ADNP: variants seen among roughly 807,000 people sequenced by gnomAD.
The protein encoded by ADNP is activity dependent neuroprotector homeobox.
Under a neutral mutation model 84.9 loss-of-function variants are expected in ADNP, and 4 were observed. That is an observed-to-expected ratio of 0.05 (90% CI 0.02 to 0.11). The LOEUF (loss-of-function observed/expected upper bound fraction) is 0.11. Ranked by LOEUF, ADNP falls within the 10% of genes least tolerant of loss-of-function variation. The pLI is 1.00. For synonymous variants in ADNP, 554 were observed against 468.1 expected (o/e 1.18, Z -2.37); for missense variants, 1,132 against 1,326.0 (o/e 0.85, Z 2.27).
At position 50,891,342 on chromosome 20, in the gene ADNP, C is replaced by G; in HGVS notation, c.*63G>C. 6.7e-7 allele frequency: 1 copy of G among 1,493,448 alleles called. No homozygotes were observed. Among genetic ancestry groups the G allele is most frequent in the Non-Finnish European group, 8.9e-7 (1 of 1,128,784 alleles). The allele number at this position is 1,493,448 out of a possible 1,614,324, so 92.5% of individuals were successfully genotyped here. A position where few individuals can be genotyped will look rare whatever the true frequency, so the allele number is the denominator to read the frequency against. Reference sequence around the variant, plus strand: ...CAGTACCAGTGAGAAGACAGCTTTGCAGTCACACTGGATATCAGAGTTCCA... The same window carrying G: ...CAGTACCAGTGAGAAGACAGCTTTGGAGTCACACTGGATATCAGAGTTCCA... On this transcript the variant is annotated 3_prime_UTR_variant, in exon 6 of 6. Transcript: ENST00000621696.
In ADNP at chr20:50,891,107, G is replaced by C. The variant is rs531469619; in HGVS notation, c.*298C>G. ...CATCTGACCAATCATTTCACAGAGG[G>C]AAAGAAATGTTGAAAAGGCAGATAA... On this transcript the variant is annotated 3_prime_UTR_variant, in exon 6 of 6. Coordinates refer to ENST00000621696, the MANE Select transcript of ADNP (RefSeq NM_001282531.3). 1.4e-4 allele frequency: 159 copies of C among 1,170,922 alleles called. No individual in the cohort carries two copies. The highest frequency in any genetic ancestry group is 1.6e-4 in the Non-Finnish European group (152 of 948,654). The allele number at this position is 1,170,922 out of a possible 1,614,324, so 72.5% of individuals were successfully genotyped here.
chr20:50,892,707 A>T lies in ADNP; in HGVS notation c.2007T>A (p.Gly669=). 3 of 1,614,190 alleles carry T rather than the reference A, an allele frequency of 1.9e-6. No individual in the cohort carries two copies. The highest frequency in any genetic ancestry group is 1.7e-6 in the Non-Finnish European group (2 of 1,180,038). The change falls in exon 6 of 6, where the codon GGT becomes GGA. Residue 669 remains glycine (G), a synonymous_variant. Transcript: ENST00000621696. ...AGGCGGTCATGTTGCTGGTATACAC[A>T]CCAAGGCAATGGATACATTTGTAGG... ...KLTYKCIHCL[G]VYTSNMTAST...
At chr20:50,924,789 G>A (rs1459712890) in intron 2 of ADNP, among the ~76,000 whole-genome samples, 1 of 151,790 alleles carries the variant, frequency 6.6e-6, no homozygotes, top group Non-Finnish European at 1.5e-5. Context: ...TACTGAAGAG[G>A]GTATTAGGAT....
chr20:50,920,363 T>C (rs1319919614), intron 2 of ADNP, among the ~76,000 whole-genome samples: 1 of 151,068 alleles, frequency 6.6e-6, no homozygotes, highest in Non-Finnish European at 1.5e-5. Flanking sequence ...GACAGATCAC[T>C]TGAGGTCAGG....
rs1024833478 is a variant in ADNP at position 50,889,167 on chromosome 20, T to A, written c.*2238A>T. The A allele has an allele frequency of 6.6e-6, 1 of 152,176 alleles. No homozygotes were observed. Among genetic ancestry groups the A allele is most frequent in the African/African-American group, 2.4e-5 (1 of 41,446 alleles). 9.4% of individuals were successfully genotyped at this position (152,176 alleles called of 1,614,324 possible). On this transcript the variant is annotated 3_prime_UTR_variant, in exon 6 of 6. Coordinates refer to ENST00000621696, the MANE Select transcript of ADNP (RefSeq NM_001282531.3). ...CTTTTCTGAATGCCAAAAGGCACACTCTCACCACCTTAATGAGGAAACACA... is the reference window on the plus strand; with the variant it reads ...CTTTTCTGAATGCCAAAAGGCACACACTCACCACCTTAATGAGGAAACACA...
intron 3 of ADNP, chr20:50,904,345 G>C (rs1176103186): frequency 1.0e-5 from 2 of 194,534 alleles, no homozygotes; most frequent in African/African-American, 4.7e-5. Flanking sequence ...CTTCTCAAGA[G>C]GAAGGGACTC....
At chr20:50,927,531 A>C (rs1984372258) in intron 2 of ADNP, among the ~76,000 whole-genome samples, 1 of 151,846 alleles carries the variant, frequency 6.6e-6, no homozygotes, top group African/African-American at 2.4e-5. Context: ...ACCTACTATA[A>C]ATTCCAGTCT....
At chr20:50,898,123 A>G (rs879320794) in intron 5 of ADNP, among the ~76,000 whole-genome samples, 1 of 152,214 alleles carries the variant, frequency 6.6e-6, no homozygotes, top group African/African-American at 2.4e-5. Flanking sequence ...ATCTGTTTCC[A>G]GAATAGAAAG....
At chr20:50,921,650 T>C (rs536160478) in intron 2 of ADNP, among the ~76,000 whole-genome samples, 8 of 152,284 alleles carry the variant, frequency 5.3e-5, no homozygotes, top group African/African-American at 1.2e-4. Flanking sequence ...AGTACACCAG[T>C]AGAACCAGTT....
intron 2 of ADNP, among the ~76,000 whole-genome samples, chr20:50,920,994 T>C (rs1983923414): frequency 6.6e-6 from 1 of 151,544 alleles, no homozygotes; most frequent in African/African-American, 2.4e-5. Flanking sequence ...CTTACAAGCT[T>C]TGTGATCCTA....
In ADNP at chr20:50,892,761, C is replaced by T; in HGVS notation, c.1953G>A (p.Gln651=). The T allele has an allele frequency of 1.2e-6, 2 of 1,614,220 alleles. No individual in the cohort carries two copies. The highest frequency in any genetic ancestry group is 1.7e-6 in the Non-Finnish European group (2 of 1,180,044). Residue 651 remains glutamine (Q), a synonymous_variant, in exon 6 of 6, where the codon CAG becomes CAA. Coordinates refer to ENST00000621696, the MANE Select transcript of ADNP (RefSeq NM_001282531.3). ...HHLRERHQVI[Q]TVHPVEKKLT... ...GCTTTTTCTCAACTGGATGAACCGT[C>T]TGAATAACTTGGTGCCTCTCTCGTA...
At chr20:50,911,024 T>C (rs2122897324) in intron 2 of ADNP, among the ~76,000 whole-genome samples, 1 of 152,286 alleles carries the variant, frequency 6.6e-6, no homozygotes, top group Admixed American at 6.5e-5. Context: ...CTTTGCAAAT[T>C]ATACCCACAT....
Position 50,892,853 on chromosome 20 carries a change from T to C in ADNP, c.1861A>G (p.Lys621Glu). 2 of 1,614,272 alleles carry C rather than the reference T, an allele frequency of 1.2e-6. No homozygotes were observed. The highest frequency in any genetic ancestry group is 1.7e-6 in the Non-Finnish European group (2 of 1,180,050). ...GAAAAGCAAAGAGGACAAAGGGTTTTCCCAACATCTTTTTTATAGGGCACT... is the reference window on the plus strand; with the variant it reads ...GAAAAGCAAAGAGGACAAAGGGTTTCCCCAACATCTTTTTTATAGGGCACT... ...AAVPYKKDVG[K>E]TLCPLCFSIL... The change falls in exon 6 of 6, where the codon AAA (lysine) becomes GAA (glutamate). Residue 621 changes from lysine to glutamate, a missense_variant. By Grantham distance (56) the Lys-to-Glu change is moderately conservative. This residue lies in a region of ADNP where 53 missense variants were observed against 39.8 expected (regional missense o/e 1.33). Transcript: ENST00000621696.
chr20:50,930,043 G>A (rs1392595962), intron 1 of ADNP, among the ~76,000 whole-genome samples: 1 of 152,090 alleles, frequency 6.6e-6, no homozygotes, highest in Non-Finnish European at 1.5e-5. Flanking sequence ...TCAAGGTTGG[G>A]GGGGAGGGGA....
Position 50,914,078 on chromosome 20 carries a change from G to A in ADNP, c.-89-9229C>T, listed in dbSNP as rs776213085. The A allele has an allele frequency of 1.6e-5, 12 of 739,006 alleles. No homozygotes were observed. The East Asian group carries it at 3.0e-4, about 18-fold the overall frequency. 45.8% of individuals were successfully genotyped at this position (739,006 alleles called of 1,614,324 possible). A position where few individuals can be genotyped will look rare whatever the true frequency, so the allele number is the denominator to read the frequency against. On this transcript the variant is annotated intron_variant, in intron 2 of 5. Transcript: ENST00000621696. Reference sequence around the variant, plus strand: ...CTACATCATGCAGCTTCCAAAAACAGGCATGAGATTGCTCTCATGTTACTA... The same window carrying A: ...CTACATCATGCAGCTTCCAAAAACAAGCATGAGATTGCTCTCATGTTACTA...
At position 50,892,143 on chromosome 20, in the gene ADNP, A is replaced by G. The variant is rs1980836135; in HGVS notation, c.2571T>C (p.Asn857=). Reference sequence around the variant, plus strand: ...GCTTTTTGTCAGCAGTCTTACTAGCATTGACTCTGGAATCCTTCTCATCAT... The same window carrying G: ...GCTTTTTGTCAGCAGTCTTACTAGCGTTGACTCTGGAATCCTTCTCATCAT... ...ENHDEKDSRV[N]ASKTADKKLN... is the part of the protein sequence containing the mutation. Residue 857 remains asparagine, a synonymous_variant, in exon 6 of 6, where the codon AAT becomes AAC. Coordinates refer to ENST00000621696, the MANE Select transcript of ADNP (RefSeq NM_001282531.3). 6.2e-7 allele frequency: 1 copy of G among 1,614,016 alleles called. No homozygotes were observed. The highest frequency in any genetic ancestry group is 8.5e-7 in the Non-Finnish European group (1 of 1,180,028).
rs770656627 is a variant in ADNP, at chr20:50,891,698, C to A, written c.3016G>T (p.Ala1006Ser). The A allele has an allele frequency of 6.2e-7, 1 of 1,614,210 alleles. No individual in the cohort carries two copies. The highest frequency in any genetic ancestry group is 8.5e-7 in the Non-Finnish European group (1 of 1,180,042). ...WSDESSQSEDARSSKPAAKKK... is the reference protein window; with the variant it reads ...WSDESSQSEDSRSSKPAAKKK... ...TTGGCAGCTGGCTTACTGCTCCTTGCATCTTCGCTTTGGGAAGACTCGTCA... is the reference window on the plus strand; with the variant it reads ...TTGGCAGCTGGCTTACTGCTCCTTGAATCTTCGCTTTGGGAAGACTCGTCA... Residue 1006 changes from alanine to serine, a missense_variant, in exon 6 of 6, where the codon GCA becomes TCA. This residue lies in a region of ADNP where 381 missense variants were observed against 319.9 expected (regional missense o/e 1.19). Coordinates refer to ENST00000621696, the MANE Select transcript of ADNP (RefSeq NM_001282531.3).
intron 2 of ADNP, among the ~76,000 whole-genome samples, chr20:50,908,493 G>A (rs1274486377): frequency 6.6e-6 from 1 of 152,172 alleles, no homozygotes; most frequent in East Asian, 1.9e-4. Context: ...ATGTTATCTA[G>A]GCTGGGCGCG....
At chr20:50,911,720 A>C in intron 2 of ADNP, among the ~76,000 whole-genome samples, 1 of 152,156 alleles carries the variant, frequency 6.6e-6, no homozygotes, top group East Asian at 1.9e-4. Flanking sequence ...ACGGGCAGAA[A>C]AAAAGCAGAA....
Sources: gnomAD v4.1 joint callset for allele counts (sites outside exome capture counted in the v4.1 genomes callset) on GRCh38, gnomAD v4.1.1 for gene constraint, gnomAD v4.1.1 regional missense constraint, MANE v1.5 for transcripts, NCBI Gene and HGNC (gene_info 2026-07-23, HGNC 2026-07-21) for gene names.